Variants in MBOAT2 observed in about 807,000 individuals in gnomAD.
MBOAT2 encodes membrane-bound glycerophospholipid O-acyltransferase 2.
Under a neutral mutation model 63.4 loss-of-function variants are expected in MBOAT2, and 28 were observed. The observed-to-expected ratio is 0.44, with a 90% CI of 0.33 to 0.61. MBOAT2 has a LOEUF of 0.61. Ranked by LOEUF, MBOAT2 falls within the 20% of genes least tolerant of loss-of-function variation. The pLI, the probability that MBOAT2 is intolerant of heterozygous loss-of-function variation, is 0.03. For synonymous variants in MBOAT2, 211 were observed against 215.6 expected (o/e 0.98, Z 0.19); for missense variants, 470 against 605.8 (o/e 0.78, Z 2.35).
intron 8 of MBOAT2, among the ~76,000 whole-genome samples, chr2:8,869,694 T>A (rs1662172821): frequency 6.6e-6 from 1 of 152,212 alleles, no homozygotes; most frequent in African/African-American, 2.4e-5. Flanking sequence ...CTTTGTTCAA[T>A]TCACATAAAT....
chr2:8,938,280 C>T (rs901697113), intron 3 of MBOAT2, among the ~76,000 whole-genome samples: 2 of 152,150 alleles, frequency 1.3e-5, no homozygotes, highest in Non-Finnish European at 2.9e-5. Context: ...AAACAATATA[C>T]TTTGGCCAAA....
chr2:8,871,505 A>C (rs1662325445), intron 8 of MBOAT2, among the ~76,000 whole-genome samples: 1 of 152,204 alleles, frequency 6.6e-6, no homozygotes, highest in African/African-American at 2.4e-5. Context: ...TAAAAATACC[A>C]GGTTTGTTTA....
chr2:8,865,994 G>A (rs867675011), intron 9 of MBOAT2, among the ~76,000 whole-genome samples: 16 of 152,106 alleles, frequency 1.1e-4, no homozygotes, highest in African/African-American at 3.4e-4. Context: ...CCGAAATCGC[G>A]CCACCGCACT....
intron 4 of MBOAT2, among the ~76,000 whole-genome samples, 166 bp from the exon 5 acceptor site, chr2:8,888,239 T>C (rs1299357529): frequency 6.6e-6 from 1 of 152,206 alleles, no homozygotes. Flanking sequence ...AGTTATGTAT[T>C]TGAGGACAGC....
chr2:8,872,871 C>T (rs547946015), intron 8 of MBOAT2, among the ~76,000 whole-genome samples: 1 of 152,296 alleles, frequency 6.6e-6, no homozygotes, highest in East Asian at 1.9e-4. Flanking sequence ...ATGCATTCAA[C>T]AAATATCTGT....
intron 6 of MBOAT2, among the ~76,000 whole-genome samples, chr2:8,881,949 T>C (rs948486289): frequency 1.3e-5 from 2 of 152,252 alleles, no homozygotes; most frequent in African/African-American, 2.4e-5. Context: ...TTAGTTGAGA[T>C]AGACACTGTG....
Position 8,888,031 on chromosome 2 carries a change from G to T in MBOAT2, c.438C>A (p.Cys146Ter). 1 of 1,612,986 alleles carries T rather than the reference G, an allele frequency of 6.2e-7. No homozygotes were observed. The highest frequency in any genetic ancestry group is 8.5e-7 in the Non-Finnish European group (1 of 1,179,482). The change falls in exon 5 of 13, where the codon TGC becomes TGA. Residue 146 changes from cysteine to a stop codon, truncating the protein, a stop_gained. Transcript: ENST00000305997. LOFTEE classifies it high-confidence loss of function. Reference protein sequence around the residue: ...IITQKITSLACEIHDGMFRKD... With the variant: ...IITQKITSLA The stretch of plus-strand genomic sequence containing the variant: ...CAGAATTCTTACCATCATGAATTTC[G>T]CAAGCCAAACTAGTGATCTTCTGAG...
intron 12 of MBOAT2, among the ~76,000 whole-genome samples, chr2:8,859,209 C>A (rs764504494): frequency 6.6e-6 from 1 of 152,066 alleles, no homozygotes; most frequent in Non-Finnish European, 1.5e-5. Context: ...ATATTAATAC[C>A]GGTAGCAATC....
chr2:8,890,347 T>C (rs1663902249), intron 4 of MBOAT2, among the ~76,000 whole-genome samples: 1 of 152,178 alleles, frequency 6.6e-6, no homozygotes, highest in African/African-American at 2.4e-5. Flanking sequence ...AGTCCTTGTT[T>C]GTTTCCTTCA....
intron 9 of MBOAT2, among the ~76,000 whole-genome samples, chr2:8,868,233 G>A (rs1662041418): frequency 6.6e-6 from 1 of 152,104 alleles, no homozygotes; most frequent in South Asian, 2.1e-4. Context: ...GGAAACTAAA[G>A]CTCCATGAGG....
chr2:8,976,759 C>A (rs1011606880), intron 1 of MBOAT2, among the ~76,000 whole-genome samples: 1 of 152,082 alleles, frequency 6.6e-6, no homozygotes, highest in African/African-American at 2.4e-5. Flanking sequence ...AATCAGAAGA[C>A]CTGCTGAAAG....
At chr2:8,940,261 T>G (rs902305865) in intron 3 of MBOAT2, among the ~76,000 whole-genome samples, 2 of 152,132 alleles carry the variant, frequency 1.3e-5, no homozygotes, top group Non-Finnish European at 2.9e-5. Flanking sequence ...AAGTCAATGC[T>G]GCAATGACAG....
intron 4 of MBOAT2, among the ~76,000 whole-genome samples, chr2:8,905,538 A>G (rs1030744242): frequency 1.3e-5 from 2 of 152,196 alleles, no homozygotes; most frequent in African/African-American, 4.8e-5. Flanking sequence ...CATCATTCTC[A>G]GCAAACTATC....
At chr2:8,974,578 T>C (rs940004230) in intron 1 of MBOAT2, 21 of 346,848 alleles carry the variant, frequency 6.1e-5, no homozygotes, top group Admixed American at 2.4e-4. Flanking sequence ...CAGCGGAATA[T>C]CTCTGGAAGG....
At chr2:8,879,338 G>A (rs1398148344) in intron 6 of MBOAT2, among the ~76,000 whole-genome samples, 2 of 152,162 alleles carry the variant, frequency 1.3e-5, no homozygotes, top group African/African-American at 2.4e-5. Context: ...ATGTATCACC[G>A]TTAGCAAGGA....
chr2:8,876,596 A>G (rs1662717669), intron 7 of MBOAT2, among the ~76,000 whole-genome samples: 1 of 152,188 alleles, frequency 6.6e-6, no homozygotes, highest in Non-Finnish European at 1.5e-5. Flanking sequence ...GCAATAATTA[A>G]GAAGAGGAGA....
intron 5 of MBOAT2, among the ~76,000 whole-genome samples, chr2:8,885,740 T>G (rs1663503458): frequency 6.6e-6 from 1 of 152,184 alleles, no homozygotes; most frequent in Non-Finnish European, 1.5e-5. Flanking sequence ...TGAAATGTCT[T>G]AAAAACCATG....
At chr2:8,988,806 C>T (rs531994955) in intron 1 of MBOAT2, among the ~76,000 whole-genome samples, 134 of 152,158 alleles carry the variant, frequency 8.8e-4, no homozygotes, top group African/African-American at 3.1e-3. Flanking sequence ...TTAGCTCTGA[C>T]ATCTCAATAT....
rs370327077 is a variant in MBOAT2 at position 8,862,565 on chromosome 2, G to A, written c.1185+25C>T. 33 of 1,599,850 alleles carry A rather than the reference G, an allele frequency of 2.1e-5. No individual in the cohort carries two copies. In the Admixed American group the frequency reaches 2.5e-4, roughly 12 times the overall value. On this transcript the variant is annotated intron_variant, in intron 11 of 12. Coordinates refer to ENST00000305997, the MANE Select transcript of MBOAT2 (RefSeq NM_138799.4). The surrounding 1 kb of genome is among the most constrained non-coding windows in gnomAD (Gnocchi z 4.3). ...AACAGTTCAAGTGGACCATTGAATT[G>A]TAAAATAAAATTCTTGATACTTACA...
Sources: gnomAD v4.1 joint callset for allele counts (sites outside exome capture counted in the v4.1 genomes callset) on GRCh38, gnomAD v4.1.1 for gene constraint, Gnocchi (gnomAD v3.1) non-coding constraint, MANE v1.5 for transcripts, NCBI Gene and HGNC (gene_info 2026-07-23, HGNC 2026-07-21) for gene names.